Variants in GSG1L observed in about 807,000 individuals in gnomAD.
GSG1L encodes the protein germ cell-specific gene 1-like protein.
GSG1L carries 24 observed loss-of-function variants against 42.1 expected under a neutral mutation model. That is an observed-to-expected ratio of 0.57 (90% confidence interval 0.41 to 0.80). The LOEUF is 0.80. GSG1L is among the 30% of genes least tolerant of loss of function. GSG1L has a pLI of 0.00. For missense variants in GSG1L, 445 were observed against 472.2 expected (o/e 0.94, Z 0.53); for synonymous variants, 215 against 203.5 (o/e 1.06, Z -0.48).
intron 2 of GSG1L, among the ~76,000 whole-genome samples, chr16:27,927,887 G>A (rs1454958432): frequency 1.3e-5 from 2 of 152,208 alleles, no homozygotes; most frequent in Non-Finnish European, 2.9e-5. Context: ...GGAGGCGTGT[G>A]GGGTGGGGAG....
At chr16:28,032,711 T>A (rs776228493) in intron 1 of GSG1L, among the ~76,000 whole-genome samples, 5 of 152,140 alleles carry the variant, frequency 3.3e-5, no homozygotes, top group Non-Finnish European at 7.3e-5. Context: ...GGCACAACCA[T>A]CTCTTCAGGC....
intron 1 of GSG1L, among the ~76,000 whole-genome samples, chr16:28,010,542 C>A (rs1165536036): frequency 6.6e-6 from 1 of 152,156 alleles, no homozygotes; most frequent in Non-Finnish European, 1.5e-5. Context: ...GGAGGTGCCA[C>A]CGTGCCAAGG....
At chr16:27,856,918 G>T (rs2083586286) in intron 3 of GSG1L, among the ~76,000 whole-genome samples, 1 of 152,138 alleles carries the variant, frequency 6.6e-6, no homozygotes, top group African/African-American at 2.4e-5. Flanking sequence ...TCCCTGACAG[G>T]CCTGGGAATC....
chr16:27,822,578 C>T (rs1465543532), intron 5 of GSG1L, among the ~76,000 whole-genome samples: 4 of 152,104 alleles, frequency 2.6e-5, no homozygotes, highest in Non-Finnish European at 5.9e-5. Context: ...CCACCACACC[C>T]AGCTAATCTT....
At chr16:27,868,974 A>G (rs902191249) in intron 3 of GSG1L, among the ~76,000 whole-genome samples, 3 of 152,000 alleles carry the variant, frequency 2.0e-5, no homozygotes, top group Non-Finnish European at 4.4e-5. Context: ...TTCCAAGGTG[A>G]GCTTGGAGAT....
chr16:27,882,391 G>A (rs766196584), intron 3 of GSG1L, among the ~76,000 whole-genome samples: 20 of 152,154 alleles, frequency 1.3e-4, no homozygotes, highest in African/African-American at 3.4e-4. Flanking sequence ...AAACCCGACC[G>A]TGTTGCCCCT....
chr16:27,834,094 G>A (rs1293627612), intron 4 of GSG1L, among the ~76,000 whole-genome samples: 2 of 152,084 alleles, frequency 1.3e-5, no homozygotes, highest in African/African-American at 2.4e-5. Flanking sequence ...TCTTTATCAA[G>A]TTGAGGAAGT....
At chr16:28,011,183 C>T (rs943664936) in intron 1 of GSG1L, among the ~76,000 whole-genome samples, 9 of 152,232 alleles carry the variant, frequency 5.9e-5, no homozygotes, top group Non-Finnish European at 1.3e-4. Context: ...GAACTGTGTT[C>T]ACCAGGATGA....
Position 27,963,426 on chromosome 16 carries a change from C to T in GSG1L, c.350-223G>A, listed in dbSNP as rs576005178. ...TGACCCCATCCATCCTGGCCCATCGCTTCCACCTCCACGATAGCAACCTTG... is the reference window on the plus strand; with the variant it reads ...TGACCCCATCCATCCTGGCCCATCGTTTCCACCTCCACGATAGCAACCTTG... On this transcript the variant is annotated intron_variant, in intron 1 of 6. Coordinates refer to ENST00000447459, the MANE Select transcript of GSG1L (RefSeq NM_001109763.2). Among the ~76,000 whole-genome samples the T allele has an allele frequency of 2.9e-3, 446 of 152,220 alleles. 2 individuals carry two copies. The highest frequency in any genetic ancestry group is 0.011 in the African/African-American group (436 of 41,512).
chr16:27,976,275 C>CAAT (rs903567057), intron 1 of GSG1L, among the ~76,000 whole-genome samples: 9 of 151,952 alleles, frequency 5.9e-5, no homozygotes, highest in South Asian at 2.1e-4. Context: ...AACTCCATCT[C>CAAT]AATAATAATA....
At chr16:27,940,275 C>T (rs2084773377) in intron 2 of GSG1L, among the ~76,000 whole-genome samples, 1 of 151,384 alleles carries the variant, frequency 6.6e-6, no homozygotes, top group Non-Finnish European at 1.5e-5. Context: ...CCAGTTCAAC[C>T]ATTGTGGAAG....
At chr16:27,805,923 A>C (rs577531586) in intron 6 of GSG1L, among the ~76,000 whole-genome samples, 45 of 151,966 alleles carry the variant, frequency 3.0e-4, no homozygotes, top group African/African-American at 1.1e-3. Flanking sequence ...GATGCCCCTA[A>C]GACAAGCCCC....
intron 2 of GSG1L, among the ~76,000 whole-genome samples, chr16:27,904,740 C>G (rs1039100233): frequency 6.6e-6 from 1 of 152,182 alleles, no homozygotes; most frequent in Non-Finnish European, 1.5e-5. Flanking sequence ...CTTTCCCCAC[C>G]TCTGATGGAA....
chr16:27,982,122 C>A (rs534313823), intron 1 of GSG1L, among the ~76,000 whole-genome samples: 2 of 152,154 alleles, frequency 1.3e-5, no homozygotes, highest in Non-Finnish European at 2.9e-5. Context: ...AATCCCAGCA[C>A]GCTGGGAGGC....
At chr16:27,914,001 T>A (rs1349168697) in intron 2 of GSG1L, among the ~76,000 whole-genome samples, 3 of 148,628 alleles carry the variant, frequency 2.0e-5, no homozygotes, top group African/African-American at 5.0e-5. Context: ...TTTTTTTTTT[T>A]AACGCATATG....
At chr16:28,031,893 T>C (rs889862548) in intron 1 of GSG1L, among the ~76,000 whole-genome samples, 1 of 152,226 alleles carries the variant, frequency 6.6e-6, no homozygotes, top group Non-Finnish European at 1.5e-5. Context: ...AGATCACGCA[T>C]TTCCTAATTC....
intron 1 of GSG1L, among the ~76,000 whole-genome samples, chr16:27,991,273 T>C (rs1203745838): frequency 6.6e-6 from 1 of 152,246 alleles, no homozygotes. Flanking sequence ...AACTGGGTTT[T>C]AATTTTCTTC....
chr16:27,915,299 A>G (rs955455340), intron 2 of GSG1L, among the ~76,000 whole-genome samples: 3 of 152,046 alleles, frequency 2.0e-5, no homozygotes, highest in Non-Finnish European at 4.4e-5. Flanking sequence ...TGGGGGCAGA[A>G]GAGCCAAGGG....
At chr16:27,913,670 GGCT>G (rs2084417830) in intron 2 of GSG1L, among the ~76,000 whole-genome samples, 1 of 152,082 alleles carries the variant, frequency 6.6e-6, no homozygotes, top group African/African-American at 2.4e-5. Context: ...TATCATCTAT[GGCT>G]GCTTTCATAT....
Sources: allele counts gnomAD v4.1 joint callset (sites outside exome capture counted in the v4.1 genomes callset), GRCh38; gene constraint gnomAD v4.1.1; transcripts MANE v1.5; gene names NCBI Gene and HGNC (gene_info 2026-07-23, HGNC 2026-07-21).